VPS13B: variants seen among roughly 807,000 people sequenced by gnomAD.
The protein encoded by VPS13B is vacuolar protein sorting 13 homolog B, also known as intermembrane lipid transfer protein VPS13B.
In VPS13B, 285 loss-of-function variants were observed where a neutral mutation model predicts 426.4. That is an observed-to-expected ratio of 0.67 (90% CI 0.61 to 0.74). The LOEUF (loss-of-function observed/expected upper bound fraction) is 0.74. Ranked by LOEUF, VPS13B falls within the 30% of genes least tolerant of loss-of-function variation. The probability of loss-of-function intolerance (pLI) is 0.00; values close to 1 mark genes in which losing one functional copy is unlikely to be tolerated. For missense variants in VPS13B, 4,537 were observed against 4,782.6 expected (o/e 0.95, Z 1.51); for synonymous variants, 1,676 against 1,676.4 (o/e 1.00, Z 0.01).
chr8:99,067,302 A>C (rs531092331), intron 3 of VPS13B, among the ~76,000 whole-genome samples: 2 of 152,326 alleles, frequency 1.3e-5, no homozygotes, highest in African/African-American at 2.4e-5. Context: ...ACCATGGAAT[A>C]CTATGCAGCC....
intron 19 of VPS13B, among the ~76,000 whole-genome samples, chr8:99,382,441 A>G (rs1166485952): frequency 1.3e-5 from 2 of 152,060 alleles, no homozygotes; most frequent in Non-Finnish European, 2.9e-5. Flanking sequence ...AATGATATTG[A>G]TTCGTCCTAT....
chr8:99,391,955 A>G (rs1455865586), intron 21 of VPS13B, among the ~76,000 whole-genome samples: 1 of 152,352 alleles, frequency 6.6e-6, no homozygotes, highest in East Asian at 1.9e-4. Context: ...TGAACCTTTT[A>G]TAATGGATAG....
chr8:99,158,470 T>G (rs1256379846), intron 15 of VPS13B, among the ~76,000 whole-genome samples: 1 of 151,972 alleles, frequency 6.6e-6, no homozygotes, highest in African/African-American at 2.4e-5. Context: ...GAGGCAGAGG[T>G]TGCAATGAGC....
intron 30 of VPS13B, among the ~76,000 whole-genome samples, chr8:99,531,136 T>C (rs534900111): frequency 2.6e-5 from 4 of 152,358 alleles, no homozygotes; most frequent in African/African-American, 9.6e-5. Context: ...TATTATAACC[T>C]TCAAACCACA....
At chr8:99,167,355 T>A (rs1812066324) in intron 15 of VPS13B, among the ~76,000 whole-genome samples, 1 of 152,108 alleles carries the variant, frequency 6.6e-6, no homozygotes, top group Non-Finnish European at 1.5e-5. Context: ...GTTCCTTTAG[T>A]GAAGGGACAA....
chr8:99,860,903 GA>G (rs1816800740), intron 57 of VPS13B, among the ~76,000 whole-genome samples: 1 of 152,168 alleles, frequency 6.6e-6, no homozygotes, highest in African/African-American at 2.4e-5. Flanking sequence ...TTAACATCCT[GA>G]ATATCAAAAT....
At chr8:99,581,113 G>T (rs1826038436) in intron 33 of VPS13B, among the ~76,000 whole-genome samples, 1 of 151,012 alleles carries the variant, frequency 6.6e-6, no homozygotes. Flanking sequence ...AACCTGGGAG[G>T]TCGAGGCTGC....
chr8:99,872,945 C>G (rs1347563419), intron 61 of VPS13B, among the ~76,000 whole-genome samples: 1 of 152,204 alleles, frequency 6.6e-6, no homozygotes, highest in Middle Eastern at 3.2e-3. Flanking sequence ...TAGGGTTTGG[C>G]ACCAGGACTA....
At position 99,481,264 on chromosome 8, in the gene VPS13B, G is replaced by A. The variant is rs184692402; in HGVS notation, c.3667-335G>A. ...GCTAAATAATTACATTTACTAGAAC[G>A]CCTTTGTTTTTTAATTTTGATTCTG... is the stretch of plus-strand genomic sequence containing the variant. On this transcript the variant is annotated intron_variant, in intron 24 of 61. Coordinates refer to ENST00000357162, the MANE Select transcript of VPS13B (RefSeq NM_152564.5). Among the ~76,000 whole-genome samples the A allele has an allele frequency of 1.8e-3, 267 of 152,196 alleles. 1 individual carries two copies. The highest frequency in any genetic ancestry group is 6.1e-3 in the African/African-American group (254 of 41,546).
chr8:99,717,612 A>G (rs1832975390), intron 37 of VPS13B, among the ~76,000 whole-genome samples: 1 of 152,188 alleles, frequency 6.6e-6, no homozygotes, highest in Non-Finnish European at 1.5e-5. Context: ...TCATTACCAC[A>G]GTCAATTTCA....
At chr8:99,311,297 G>T (rs1187334713) in intron 19 of VPS13B, among the ~76,000 whole-genome samples, 1 of 152,068 alleles carries the variant, frequency 6.6e-6, no homozygotes, top group Non-Finnish European at 1.5e-5. Context: ...GCTTTCTCTT[G>T]TGGGCATTTA....
chr8:99,273,659 C>T (rs1467527324), intron 17 of VPS13B, among the ~76,000 whole-genome samples: 1 of 151,934 alleles, frequency 6.6e-6, no homozygotes, highest in African/African-American at 2.4e-5. Context: ...TGGAATGCGC[C>T]CGTAATCCCA....
intron 3 of VPS13B, among the ~76,000 whole-genome samples, chr8:99,055,115 A>G (rs561656522): frequency 6.7e-6 from 1 of 148,168 alleles, no homozygotes; most frequent in African/African-American, 2.5e-5. Context: ...TCAGCTCGCT[A>G]TATAACCTCT....
chr8:99,648,537 A>G (rs1296335737), intron 34 of VPS13B, among the ~76,000 whole-genome samples: 2 of 152,146 alleles, frequency 1.3e-5, no homozygotes, highest in Non-Finnish European at 2.9e-5. Context: ...ATTTCTTTGT[A>G]ATATATTTTA....
Position 99,156,618 on chromosome 8 carries a change from G to T in VPS13B, c.2083G>T (p.Val695Leu), listed in dbSNP as rs763463283. ...GCCTTTGCCATCCATTCGAATATTG[G>T]TGGATAAAATTAATCTGGAACATTC... Reference protein sequence around the residue: ...LRPLPSIRILVDKINLEHSVP... With the variant: ...LRPLPSIRILLDKINLEHSVP... Residue 695 changes from valine to leucine, a missense_variant, in exon 15 of 62, where the codon GTG becomes TTG. Around this residue, in one of 2 missense-constraint regions of VPS13B, gnomAD observed 4,311 missense variants for 4,474.3 expected, o/e 0.96. Coordinates refer to ENST00000357162, the MANE Select transcript of VPS13B (RefSeq NM_152564.5). The T allele has an allele frequency of 2.5e-6, 4 of 1,614,096 alleles. No homozygotes were observed. In the South Asian group the frequency reaches 4.4e-5, roughly 18 times the overall value.
At chr8:99,621,997 C>T (rs1828378364) in intron 33 of VPS13B, among the ~76,000 whole-genome samples, 1 of 151,530 alleles carries the variant, frequency 6.6e-6, no homozygotes, top group Admixed American at 6.6e-5. Flanking sequence ...CCACGCCGGG[C>T]TTTTTTGTAT....
intron 18 of VPS13B, 59 bp from the exon 19 acceptor site, chr8:99,275,022 A>G: frequency 7.0e-7 from 1 of 1,430,186 alleles, no homozygotes; most frequent in Non-Finnish European, 9.4e-7. Flanking sequence ...TTAAAATCAA[A>G]CATTCTCAAG....
At chr8:99,658,960 G>C (rs1277514262) in intron 34 of VPS13B, among the ~76,000 whole-genome samples, 1 of 152,060 alleles carries the variant, frequency 6.6e-6, no homozygotes, top group Admixed American at 6.6e-5. Flanking sequence ...CTACTATGGG[G>C]ACTACAGGCA....
intron 17 of VPS13B, among the ~76,000 whole-genome samples, chr8:99,198,777 G>A (rs1250311202): frequency 6.6e-6 from 1 of 151,856 alleles, no homozygotes; most frequent in Non-Finnish European, 1.5e-5. Flanking sequence ...ACAGATTAAA[G>A]AGAAACCATC....
Sources: gnomAD v4.1 joint callset for allele counts (sites outside exome capture counted in the v4.1 genomes callset) on GRCh38, gnomAD v4.1.1 for gene constraint, gnomAD v4.1.1 regional missense constraint, MANE v1.5 for transcripts, NCBI Gene and HGNC (gene_info 2026-07-23, HGNC 2026-07-21) for gene names.